Variants in OSBPL9 observed in about 807,000 individuals in gnomAD.
The protein encoded by OSBPL9 is oxysterol-binding protein-related protein 9.
A neutral mutation model predicts 106.6 loss-of-function variants in OSBPL9; 40 were observed. The ratio of observed to expected loss-of-function variants is 0.38; its 90% CI spans 0.29 to 0.49. The LOEUF (loss-of-function observed/expected upper bound fraction) is 0.49, where lower values mean the gene tolerates loss of function less well. Among genes scored for constraint, OSBPL9 ranks in the 20% least tolerant of loss-of-function variants. The pLI, the probability that OSBPL9 is intolerant of heterozygous loss-of-function variation, is 0.97. For synonymous variants in OSBPL9, 269 were observed against 295.4 expected (o/e 0.91, Z 0.92); for missense variants, 609 against 887.2 (o/e 0.69, Z 3.98).
the OSBPL9 span, among the ~76,000 whole-genome samples, chr1:51,570,800 G>A: frequency 6.6e-6 from 1 of 152,106 alleles, no homozygotes; most frequent in Non-Finnish European, 1.5e-5. Context: ...AATGTAAGGG[G>A]CTATCATTAT....
At chr1:51,648,057 C>G (rs571824990) in intron 1 of OSBPL9, among the ~76,000 whole-genome samples, 1 of 152,246 alleles carries the variant, frequency 6.6e-6, no homozygotes, top group East Asian at 1.9e-4. Context: ...TAGCTGGAGG[C>G]AGAGAGAGTG....
intron 1 of OSBPL9, among the ~76,000 whole-genome samples, chr1:51,634,692 G>C (rs1645311589): frequency 6.6e-6 from 1 of 152,142 alleles, no homozygotes; most frequent in Middle Eastern, 3.2e-3. Flanking sequence ...ATGAGAGTGA[G>C]AGGAGGAAAC....
At chr1:51,570,419 T>C in the OSBPL9 span, among the ~76,000 whole-genome samples, 909 of 152,298 alleles carry the variant, frequency 6.0e-3, 9 homozygotes, top group African/African-American at 0.02. Flanking sequence ...AGAGCCCCCA[T>C]CTTCAACTAT....
chr1:51,575,886 A>G (rs1429980888), upstream of OSBPL9, among the ~76,000 whole-genome samples: 4 of 152,238 alleles, frequency 2.6e-5, no homozygotes, highest in African/African-American at 9.6e-5. Context: ...AGTTGAAGCC[A>G]AAGGAAATCT....
chr1:51,685,116 T>C (rs78292046), intron 3 of OSBPL9, among the ~76,000 whole-genome samples: 1 of 152,184 alleles, frequency 6.6e-6, no homozygotes, highest in African/African-American at 2.4e-5. Context: ...TTCATTTTTT[T>C]CTAAAGAAAT....
intron 2 of OSBPL9, among the ~76,000 whole-genome samples, chr1:51,606,249 C>T (rs1362759317): frequency 6.6e-6 from 1 of 152,136 alleles, no homozygotes. Context: ...CCCAGAGCAC[C>T]TTTATCCCTG....
At chr1:51,606,943 G>T (rs928579618) in intron 2 of OSBPL9, among the ~76,000 whole-genome samples, 1 of 151,788 alleles carries the variant, frequency 6.6e-6, no homozygotes, top group South Asian at 2.1e-4. Context: ...CCAGCTACTC[G>T]GGAGGCTGAG....
intron 3 of OSBPL9, among the ~76,000 whole-genome samples, chr1:51,689,782 C>T (rs544330158): frequency 4.6e-5 from 7 of 152,152 alleles, no homozygotes; most frequent in Admixed American, 6.5e-5. Flanking sequence ...ACTTCATTTA[C>T]CCAATTAGCC....
At position 51,673,003 on chromosome 1, in the gene OSBPL9, G is replaced by A. The variant is rs566674828; in HGVS notation, c.241+3491G>A. On this transcript the variant is annotated intron_variant, in intron 3 of 23. Coordinates refer to ENST00000428468, the MANE Select transcript of OSBPL9 (RefSeq NM_024586.6). ...CATTGGCACATAGATGGTATTGAAA[G>A]CCACAAGAATTTGGGAATAAATGTT... Among the ~76,000 whole-genome samples the A allele has an allele frequency of 1.8e-4, 27 of 152,318 alleles. 1 individual carries two copies. The South Asian group carries it at 5.6e-3, about 32-fold the overall frequency.
At chr1:51,634,554 G>C (rs531421538) in intron 1 of OSBPL9, among the ~76,000 whole-genome samples, 1 of 152,114 alleles carries the variant, frequency 6.6e-6, no homozygotes, top group Non-Finnish European at 1.5e-5. Context: ...ATTTATTCAC[G>C]TGCATAAGCA....
chr1:51,547,406 T>A, the OSBPL9 span, among the ~76,000 whole-genome samples: 1 of 152,164 alleles, frequency 6.6e-6, no homozygotes. Context: ...GATTAAAACA[T>A]GATGTTATTT....
At chr1:51,647,800 C>T (rs935081417) in intron 1 of OSBPL9, among the ~76,000 whole-genome samples, 3 of 151,320 alleles carry the variant, frequency 2.0e-5, no homozygotes, top group Non-Finnish European at 4.4e-5. Flanking sequence ...AATGATTTAT[C>T]AATTTTGTTG....
At chr1:51,559,440 T>TACAC in the OSBPL9 span, among the ~76,000 whole-genome samples, 14,419 of 147,566 alleles carry the variant, frequency 0.098, 1,496 homozygotes, top group African/African-American at 0.26. Flanking sequence ...CACACATACA[T>TACAC]ACACACACAC....
chr1:51,686,347 A>G (rs1458642006), intron 3 of OSBPL9, among the ~76,000 whole-genome samples: 3 of 152,152 alleles, frequency 2.0e-5, no homozygotes, highest in Admixed American at 6.5e-5. Context: ...ATTCAAACCT[A>G]TGCTCTTTTC....
chr1:51,671,709 A>G (rs1185015105), intron 3 of OSBPL9, among the ~76,000 whole-genome samples: 2 of 152,140 alleles, frequency 1.3e-5, no homozygotes, highest in Non-Finnish European at 2.9e-5. Context: ...GAGAAAATGA[A>G]ATAGAGGTGA....
intron 2 of OSBPL9, among the ~76,000 whole-genome samples, chr1:51,610,449 G>A (rs1210378948): frequency 1.3e-5 from 2 of 152,056 alleles, no homozygotes; most frequent in Non-Finnish European, 1.5e-5. Flanking sequence ...TGGTAGAGAC[G>A]GGGTTTCACC....
At chr1:51,670,816 A>T (rs1359050576) in intron 3 of OSBPL9, among the ~76,000 whole-genome samples, 2 of 152,236 alleles carry the variant, frequency 1.3e-5, no homozygotes, top group African/African-American at 2.4e-5. Context: ...CTGCCTATAA[A>T]TCAGCAGGTA....
intron 3 of OSBPL9, among the ~76,000 whole-genome samples, chr1:51,702,572 A>AT (rs1657531993): frequency 6.6e-6 from 1 of 151,896 alleles, no homozygotes; most frequent in Admixed American, 6.6e-5. Context: ...AGATTGCAAA[A>AT]TTTTTCTCCC....
intron 1 of OSBPL9, among the ~76,000 whole-genome samples, chr1:51,649,149 C>G (rs751466838): frequency 6.6e-6 from 1 of 152,092 alleles, no homozygotes; most frequent in Non-Finnish European, 1.5e-5. Flanking sequence ...CACTGTTTCC[C>G]AGGATGGAGT....
Sources: gnomAD v4.1 joint callset for allele counts (sites outside exome capture counted in the v4.1 genomes callset) on GRCh38, gnomAD v4.1.1 for gene constraint, MANE v1.5 for transcripts, NCBI Gene and HGNC (gene_info 2026-07-23, HGNC 2026-07-21) for gene names.